Variants in GRID2 observed in about 807,000 individuals in gnomAD.
The protein encoded by GRID2 is glutamate receptor ionotropic, delta-2.
Under a neutral mutation model 114.8 loss-of-function variants are expected in GRID2, and 33 were observed. The ratio of observed to expected loss-of-function variants is 0.29; its 90% CI spans 0.22 to 0.38. GRID2 has a LOEUF of 0.38. GRID2 is among the 10% of genes least tolerant of loss of function. The pLI is 1.00. For missense variants in GRID2, 1,184 were observed against 1,257.7 expected, an observed-to-expected ratio of 0.94 and a Z score of 0.89; for synonymous variants, 505 against 449.9, an observed-to-expected ratio of 1.12 and a Z score of -1.55.
chr4:92,887,473 A>AC (rs1746452647), intron 2 of GRID2, among the ~76,000 whole-genome samples: 1 of 152,162 alleles, frequency 6.6e-6, no homozygotes, highest in African/African-American at 2.4e-5. Context: ...TGCAGAAATC[A>AC]TTTGTGTCAT....
intron 1 of GRID2, among the ~76,000 whole-genome samples, chr4:92,405,605 A>AGC (rs1730988493): frequency 6.6e-6 from 1 of 152,036 alleles, no homozygotes; most frequent in Non-Finnish European, 1.5e-5. Flanking sequence ...ATTCATTTTT[A>AGC]TATATGTATA....
chr4:93,310,506 G>T lies in GRID2; in HGVS notation c.1245+72016G>T, dbSNP rs189789594. Among the ~76,000 whole-genome samples the T allele has an allele frequency of 1.2e-3, 182 of 152,140 alleles. 3 individuals carry two copies. The highest frequency in any genetic ancestry group is 4.4e-3 in the African/African-American group (181 of 41,508). On this transcript the variant is annotated intron_variant, in intron 8 of 15. Transcript: ENST00000282020. ...AGATTGTGCCACTGCACTCCAGCCT[G>T]GGCGCAGAACGAGACTCCATCTCAA... is the stretch of plus-strand genomic sequence containing the variant.
intron 1 of GRID2, among the ~76,000 whole-genome samples, chr4:92,466,844 T>G (rs920878242): frequency 6.0e-5 from 9 of 151,240 alleles, no homozygotes; most frequent in East Asian, 1.9e-4. Context: ...GTGTGTGTGT[T>G]ATATATATAT....
At chr4:93,387,891 G>A (rs565964376) in intron 8 of GRID2, among the ~76,000 whole-genome samples, 1 of 150,600 alleles carries the variant, frequency 6.6e-6, no homozygotes, top group Non-Finnish European at 1.5e-5. Flanking sequence ...TAAGGTTCTT[G>A]TTTAAAAATC....
At chr4:93,341,873 A>C (rs965478649) in intron 8 of GRID2, among the ~76,000 whole-genome samples, 2 of 152,220 alleles carry the variant, frequency 1.3e-5, no homozygotes, top group African/African-American at 4.8e-5. Flanking sequence ...TGGTTTAAAT[A>C]GAAATATTTT....
intron 2 of GRID2, among the ~76,000 whole-genome samples, chr4:92,617,202 G>A (rs1044348320): frequency 2.0e-5 from 3 of 150,608 alleles, no homozygotes; most frequent in African/African-American, 7.3e-5. Flanking sequence ...CTACCCTCTA[G>A]TATCCTCAGT....
chr4:93,451,717 T>G (rs752031649), intron 10 of GRID2, among the ~76,000 whole-genome samples: 1 of 151,930 alleles, frequency 6.6e-6, no homozygotes, highest in Admixed American at 6.6e-5. Context: ...AGGAAAACAA[T>G]GAAAGCTGGA....
At chr4:93,094,744 A>T (rs1731059835) in intron 3 of GRID2, among the ~76,000 whole-genome samples, 1 of 152,040 alleles carries the variant, frequency 6.6e-6, no homozygotes, top group Non-Finnish European at 1.5e-5. Context: ...GATTAAACCT[A>T]ATTAGTATCT....
intron 2 of GRID2, among the ~76,000 whole-genome samples, chr4:92,837,917 A>G (rs942080731): frequency 6.6e-6 from 1 of 152,112 alleles, no homozygotes; most frequent in African/African-American, 2.4e-5. Context: ...CCTTTTACAT[A>G]TGTCACTTGA....
At chr4:93,390,249 C>T (rs1764724766) in intron 8 of GRID2, among the ~76,000 whole-genome samples, 2 of 152,132 alleles carry the variant, frequency 1.3e-5, no homozygotes, top group Non-Finnish European at 1.5e-5. Flanking sequence ...GCTTTCCATT[C>T]TAATAGTCAA....
chr4:93,086,190 T>C (rs1305263014), intron 3 of GRID2, among the ~76,000 whole-genome samples: 1 of 152,174 alleles, frequency 6.6e-6, no homozygotes, highest in Non-Finnish European at 1.5e-5. Context: ...AGAAGGAGTC[T>C]TGGAAAAATT....
chr4:92,447,121 ATTG>A (rs1377960459), intron 1 of GRID2, among the ~76,000 whole-genome samples: 15 of 152,340 alleles, frequency 9.8e-5, no homozygotes, highest in Non-Finnish European at 2.9e-5. Context: ...CATAAATAAG[ATTG>A]CAGATAGTAA....
intron 14 of GRID2, among the ~76,000 whole-genome samples, chr4:93,745,932 C>T (rs1301790095): frequency 6.6e-6 from 1 of 151,980 alleles, no homozygotes; most frequent in Non-Finnish European, 1.5e-5. Context: ...TGTGAATTTC[C>T]TGGAGTGATC....
intron 1 of GRID2, among the ~76,000 whole-genome samples, chr4:92,321,296 C>T (rs1486068192): frequency 6.6e-6 from 1 of 152,078 alleles, no homozygotes; most frequent in Non-Finnish European, 1.5e-5. Flanking sequence ...CCTGTGTTTT[C>T]TGATAAGAAA....
intron 14 of GRID2, among the ~76,000 whole-genome samples, chr4:93,714,260 A>G (rs534230783): frequency 6.6e-6 from 1 of 152,192 alleles, no homozygotes; most frequent in East Asian, 1.9e-4. Context: ...TCCTGCAAAG[A>G]CCATAATTCT....
intron 2 of GRID2, among the ~76,000 whole-genome samples, chr4:92,868,405 A>T (rs1177673078): frequency 6.6e-6 from 1 of 152,132 alleles, no homozygotes; most frequent in Non-Finnish European, 1.5e-5. Flanking sequence ...AGACGCAGCT[A>T]CCAGAGATTT....
At chr4:93,396,806 C>G (rs534216031) in intron 9 of GRID2, among the ~76,000 whole-genome samples, 30 of 152,062 alleles carry the variant, frequency 2.0e-4, no homozygotes, top group Non-Finnish European at 3.8e-4. Context: ...GTAAAATACT[C>G]AAATGGGCTC....
intron 4 of GRID2, among the ~76,000 whole-genome samples, chr4:93,159,675 G>T (rs887639379): frequency 2.1e-5 from 3 of 145,744 alleles, no homozygotes; most frequent in Non-Finnish European, 4.5e-5. Flanking sequence ...AGACAGATAA[G>T]AATTTTTTTC....
chr4:92,415,740 G>GTATGTATATATA (rs1553932664), intron 1 of GRID2, among the ~76,000 whole-genome samples: 1 of 82,230 alleles, frequency 1.2e-5, no homozygotes, highest in Non-Finnish European at 2.4e-5. Context: ...GTGTATGTGT[G>GTATGTATATATA]TATATATATA....
Sources: allele counts gnomAD v4.1 joint callset (sites outside exome capture counted in the v4.1 genomes callset), GRCh38; gene constraint gnomAD v4.1.1; transcripts MANE v1.5; gene names NCBI Gene and HGNC (gene_info 2026-07-23, HGNC 2026-07-21).